The following ATRN variants were observed in gnomAD, a reference collection of about 807,000 sequenced individuals.
The protein encoded by ATRN is attractin-2.
In ATRN, 54 loss-of-function variants were observed where a neutral mutation model predicts 178.7. The ratio of observed to expected loss-of-function variants is 0.30; its 90% CI spans 0.24 to 0.38. The LOEUF (loss-of-function observed/expected upper bound fraction) is 0.38. Ranked by LOEUF, ATRN falls within the 10% of genes least tolerant of loss-of-function variation. ATRN has a pLI of 1.00. For synonymous variants in ATRN, 636 were observed against 663.0 expected (o/e 0.96, Z 0.63); for missense variants, 1,443 against 1,815.1 (o/e 0.79, Z 3.73).
At chr20:3,578,966 GTAT>G (rs750930425) in intron 15 of ATRN, among the ~76,000 whole-genome samples, 194 bp downstream of exon 15, 3 of 152,028 alleles carry the variant, frequency 2.0e-5, no homozygotes, top group Non-Finnish European at 4.4e-5. Context: ...TTAATACTTT[GTAT>G]ATATAAGATC....
intron 1 of ATRN, among the ~76,000 whole-genome samples, chr20:3,511,769 G>A (rs2085131567): frequency 6.6e-6 from 1 of 152,044 alleles, no homozygotes. Flanking sequence ...AAAATCACAC[G>A]TAGCTTATTT....
chr20:3,521,590 A>G (rs2085297273), intron 1 of ATRN, among the ~76,000 whole-genome samples: 1 of 152,216 alleles, frequency 6.6e-6, no homozygotes, highest in Non-Finnish European at 1.5e-5. Flanking sequence ...TAAAACAAGT[A>G]TACAGAAAAA....
At chr20:3,515,622 T>C (rs753987992) in intron 1 of ATRN, among the ~76,000 whole-genome samples, 1 of 152,196 alleles carries the variant, frequency 6.6e-6, no homozygotes, top group Non-Finnish European at 1.5e-5. Flanking sequence ...GGTGAGAGCA[T>C]TGAGTCAAAG....
At position 3,604,193 on chromosome 20, in the gene ATRN, T is replaced by C; in HGVS notation, c.3732T>C (p.Asp1244=). The C allele has an allele frequency of 6.2e-7, 1 of 1,613,364 alleles. No individual in the cohort carries two copies. Among genetic ancestry groups the C allele is most frequent in the Non-Finnish European group, 8.5e-7 (1 of 1,179,806 alleles). ...ATAGTTTCTCTAATGAGAAGTTTGA[T>C]TTTCGCAACCACCCAAATATCACTT... ...YKDSFSNEKF[D]FRNHPNITFF... The change falls in exon 24 of 29, where the codon GAT becomes GAC. Residue 1244 remains aspartate, a synonymous_variant. Coordinates refer to ENST00000262919, the MANE Select transcript of ATRN (RefSeq NM_139321.3).
intron 24 of ATRN, among the ~76,000 whole-genome samples, chr20:3,612,871 A>G (rs1018981579): frequency 1.9e-4 from 29 of 152,124 alleles, no homozygotes; most frequent in Non-Finnish European, 1.5e-5. Flanking sequence ...TGCTGCTGAC[A>G]CTTTTCCCAG....
At chr20:3,494,576 T>G (rs2084852272) in intron 1 of ATRN, among the ~76,000 whole-genome samples, 1 of 152,106 alleles carries the variant, frequency 6.6e-6, no homozygotes, top group Non-Finnish European at 1.5e-5. Flanking sequence ...TGAGATTGGT[T>G]TGTAGGCTGA....
intron 19 of ATRN, 44 bp downstream of exon 19, chr20:3,591,350 A>C: frequency 1.3e-6 from 2 of 1,583,206 alleles, no homozygotes; most frequent in Non-Finnish European, 1.7e-6. Flanking sequence ...ATCGGTGTGG[A>C]ACACAGCACT....
rs770584938 is a variant in ATRN, at chr20:3,519,006, T to TATAAAAAAAAA, written c.411-16246_411-16245insTAAAAAAAAAA. Among the ~76,000 whole-genome samples, 49 of 119,458 alleles carry TATAAAAAAAAA rather than the reference T, an allele frequency of 4.1e-4. 2 individuals are homozygous for TATAAAAAAAAA. The highest frequency in any genetic ancestry group is 5.7e-4 in the Non-Finnish European group (33 of 58,116). The allele number at this position is 119,458 out of a possible 152,430, so 78.4% of individuals were successfully genotyped here. A position where few individuals can be genotyped will look rare whatever the true frequency, so the allele number is the denominator to read the frequency against. On this transcript the variant is annotated intron_variant, in intron 1 of 28. Coordinates refer to ENST00000262919, the MANE Select transcript of ATRN (RefSeq NM_139321.3). ...GTGCTTCAATAAACATCCTTATATATAAAAAAAAAAAAAAGAAAGAAAACT... is the reference window on the plus strand; with the variant it reads ...GTGCTTCAATAAACATCCTTATATATATAAAAAAAAAAAAAAAAAAAAAAAGAAAGAAAACT...
At chr20:3,518,786 TA>T (rs946529996) in intron 1 of ATRN, among the ~76,000 whole-genome samples, 13 of 152,118 alleles carry the variant, frequency 8.5e-5, no homozygotes, top group African/African-American at 3.1e-4. Flanking sequence ...TTTGGGTACT[TA>T]AAAAATACAT....
chr20:3,561,687 A>G (rs2085955049), intron 8 of ATRN, among the ~76,000 whole-genome samples: 1 of 152,162 alleles, frequency 6.6e-6, no homozygotes, highest in Non-Finnish European at 1.5e-5. Flanking sequence ...ATATCTGTAT[A>G]TTGGTCACCA....
chr20:3,494,710 A>G (rs541966072), intron 1 of ATRN, among the ~76,000 whole-genome samples: 4 of 152,344 alleles, frequency 2.6e-5, no homozygotes, highest in Non-Finnish European at 5.9e-5. Flanking sequence ...TATAGGGAAT[A>G]TAAGTCTGAA....
In ATRN at chr20:3,541,173, G is replaced by A. The variant is rs578036825; in HGVS notation, c.608+838G>A. Among the ~76,000 whole-genome samples, 83 of 151,108 alleles carry A rather than the reference G, an allele frequency of 5.5e-4. 1 individual carries two copies. Among genetic ancestry groups the A allele is most frequent in the African/African-American group, 1.5e-3 (63 of 41,232 alleles). ...GCTCACTGCAAGCTCCGCCTCCCGGGTTCACGCCATTCTCCTGCCTCAGCC... is the reference window on the plus strand; with the variant it reads ...GCTCACTGCAAGCTCCGCCTCCCGGATTCACGCCATTCTCCTGCCTCAGCC... On this transcript the variant is annotated intron_variant, in intron 3 of 28. Coordinates refer to ENST00000262919, the MANE Select transcript of ATRN (RefSeq NM_139321.3).
At chr20:3,558,601 T>G (rs1476524270) in intron 6 of ATRN, among the ~76,000 whole-genome samples, 1 of 152,036 alleles carries the variant, frequency 6.6e-6, no homozygotes, top group African/African-American at 2.4e-5. Context: ...TATCCTCATA[T>G]GCATAGAAAG....
In ATRN at chr20:3,604,113, C is replaced by T; in HGVS notation, c.3652C>T (p.Gln1218Ter). ...TWAASFSAGT[Q>*]AGEEMPVVSK... ...TGTTTTTCTTTTAACAGCTGGAACC[C>T]AGGCTGGAGAAGAGATGCCTGTTGT... is the stretch of plus-strand genomic sequence containing the variant. Residue 1218 changes from glutamine to a stop codon, truncating the protein, a stop_gained, in exon 24 of 29, where the codon CAG becomes TAG. Coordinates refer to ENST00000262919, the MANE Select transcript of ATRN (RefSeq NM_139321.3). LOFTEE classifies it high-confidence loss of function. The T allele has an allele frequency of 6.3e-7, 1 of 1,582,508 alleles. No homozygotes were observed. Among genetic ancestry groups the T allele is most frequent in the Non-Finnish European group, 8.5e-7 (1 of 1,170,054 alleles).
rs771997338 is a variant in ATRN, at chr20:3,639,506, GC to G, written c.4050+573del. 2.6e-5 allele frequency among the ~76,000 whole-genome samples: 4 copies of G among 152,048 alleles called. 1 individual carries two copies. The South Asian group carries it at 6.2e-4, about 24-fold the overall frequency. On this transcript the variant is annotated intron_variant, in intron 27 of 28. Coordinates refer to ENST00000262919, the MANE Select transcript of ATRN (RefSeq NM_139321.3). ...GACTTCAAGCAATCCACCCACCTCGGCCTCCCAAAGTGCTGGGATTACAGGT... is the reference window on the plus strand; with the variant it reads ...GACTTCAAGCAATCCACCCACCTCGGCTCCCAAAGTGCTGGGATTACAGGT...
At chr20:3,535,022 T>G (rs1380896653) in intron 1 of ATRN, among the ~76,000 whole-genome samples, 1 of 152,172 alleles carries the variant, frequency 6.6e-6, no homozygotes, top group Non-Finnish European at 1.5e-5. Flanking sequence ...AATATTTTTC[T>G]GTCTTCTTTT....
At chr20:3,573,308 T>A (rs2146243459) in intron 12 of ATRN, among the ~76,000 whole-genome samples, 1 of 152,350 alleles carries the variant, frequency 6.6e-6, no homozygotes, top group South Asian at 2.1e-4. Flanking sequence ...TGTCCCGATA[T>A]GGTAGCCACT....
At chr20:3,507,340 C>G (rs762615037) in intron 1 of ATRN, among the ~76,000 whole-genome samples, 1 of 149,184 alleles carries the variant, frequency 6.7e-6, no homozygotes, top group Non-Finnish European at 1.5e-5. Context: ...ACCCGGGAGG[C>G]GGAGGATGCG....
chr20:3,475,698 T>C (rs1280476834), intron 1 of ATRN, among the ~76,000 whole-genome samples: 3 of 152,242 alleles, frequency 2.0e-5, no homozygotes, highest in African/African-American at 4.8e-5. Context: ...TTCAATTCTT[T>C]TAAGTTCCTG....
Sources: allele counts gnomAD v4.1 joint callset (sites outside exome capture counted in the v4.1 genomes callset), GRCh38; gene constraint gnomAD v4.1.1; transcripts MANE v1.5; gene names NCBI Gene and HGNC (gene_info 2026-07-23, HGNC 2026-07-21).